The following ZFX variants were observed in gnomAD, a reference collection of about 807,000 sequenced individuals.
The protein encoded by ZFX is zinc finger X-chromosomal protein.
For synonymous variants in ZFX, 196 were observed against 226.8 expected, an observed-to-expected ratio of 0.86 and a Z score of 1.22; for missense variants, 362 against 628.3, an observed-to-expected ratio of 0.58 and a Z score of 4.53.
intron 3 of ZFX, among the ~76,000 whole-genome samples, chrX:24,162,477 A>G (rs1278764073): frequency 8.9e-6 from 1 of 112,064 alleles, no homozygotes; most frequent in African/African-American, 3.2e-5. Context: ...CATCTTACCT[A>G]ATTACACTGG....
Position 24,211,797 on chromosome X carries a change from T to C in ZFX, c.*421T>C. 8.1e-6 allele frequency: 1 copy of C among 122,720 alleles called. No homozygotes were observed. The highest frequency in any genetic ancestry group is 2.6e-4 in the East Asian group (1 of 3,895). 10.1% of individuals were successfully genotyped at this position (122,720 alleles called of 1,213,427 possible). On this transcript the variant is annotated 3_prime_UTR_variant, in exon 10 of 10. Transcript: ENST00000304543. ...TCCCCATACATTTCTCACAATAAAA[T>C]TGTCAGAGACATCTACTAATATAAA...
intron 5 of ZFX, among the ~76,000 whole-genome samples, chrX:24,199,942 C>T (rs1016142875): frequency 9.2e-6 from 1 of 109,276 alleles, no homozygotes; most frequent in Non-Finnish European, 1.9e-5. Context: ...AGTTTTTGCT[C>T]GTTTTAAGCA....
At chrX:24,199,742 A>G (rs1937164082) in intron 5 of ZFX, among the ~76,000 whole-genome samples, 1 of 109,492 alleles carries the variant, frequency 9.1e-6, no homozygotes, top group African/African-American at 3.3e-5. Context: ...ACATGGTGAA[A>G]CCCCATCTCT....
chrX:24,207,068 C>A (rs1193918657), intron 5 of ZFX: 1 of 264,850 alleles, frequency 3.8e-6, no homozygotes, highest in Non-Finnish European at 6.7e-6. Context: ...CCTGTCTCTA[C>A]TAAAAATACA....
At chrX:24,167,296 C>T (rs1225455583) in intron 3 of ZFX, among the ~76,000 whole-genome samples, 1 of 111,521 alleles carries the variant, frequency 9.0e-6, no homozygotes, top group Non-Finnish European at 1.9e-5. Flanking sequence ...CTAGATAGGA[C>T]TTCTGTGATC....
At chrX:24,165,341 G>C (rs755023557) in intron 3 of ZFX, among the ~76,000 whole-genome samples, 1 of 112,133 alleles carries the variant, frequency 8.9e-6, no homozygotes, top group East Asian at 2.8e-4. Flanking sequence ...GGATGTTCTC[G>C]ATCTCCTGAC....
Position 24,179,526 on chromosome X carries a change from G to C in ZFX, c.402G>C (p.Leu134Phe). Residue 134 changes from leucine (L) to phenylalanine (F), a missense_variant, in exon 5 of 10, where the codon TTG becomes TTC. Physicochemically the swap from Leu to Phe is conservative, Grantham distance 22 (BLOSUM62 0). Coordinates refer to ENST00000304543, the MANE Select transcript of ZFX (RefSeq NM_003410.4). ...SASMSMPEHVLTGDSIHVSDV... is the reference protein window; with the variant it reads ...SASMSMPEHVFTGDSIHVSDV... ...CAATGTCTATGCCAGAACACGTCTT[G>C]ACGGGTGATTCTATACATGTGTCTG... is the stretch of plus-strand genomic sequence containing the variant. The C allele has an allele frequency of 4.1e-6, 5 of 1,212,275 alleles. No homozygotes were observed. Among genetic ancestry groups the C allele is most frequent in the Non-Finnish European group, 5.6e-6 (5 of 895,687 alleles).
chrX:24,202,285 G>A (rs1937349253), intron 5 of ZFX, among the ~76,000 whole-genome samples: 1 of 111,867 alleles, frequency 8.9e-6, no homozygotes, highest in African/African-American at 3.3e-5. Context: ...GACTGAGCAT[G>A]CTTGAGTATT....
intron 5 of ZFX, among the ~76,000 whole-genome samples, chrX:24,205,976 C>G (rs1937560027): frequency 9.1e-6 from 1 of 109,875 alleles, no homozygotes; most frequent in African/African-American, 3.3e-5. Context: ...CTTTTTCTCC[C>G]CTTCTGTCTC....
At chrX:24,152,346 T>G (rs1490803369) in intron 2 of ZFX, among the ~76,000 whole-genome samples, 2 of 110,821 alleles carry the variant, frequency 1.8e-5, no homozygotes, top group Non-Finnish European at 3.8e-5. Flanking sequence ...TTGGCCAGGC[T>G]GGTCTCGAAC....
In ZFX at chrX:24,177,207, C is replaced by T. The variant is rs900672869; in HGVS notation, c.59-1976C>T. 2.7e-5 allele frequency among the ~76,000 whole-genome samples: 3 copies of T among 112,317 alleles called. No homozygotes were observed. In the South Asian group the frequency reaches 1.1e-3, roughly 41 times the overall value. On this transcript the variant is annotated intron_variant, in intron 4 of 9. Coordinates refer to ENST00000304543, the MANE Select transcript of ZFX (RefSeq NM_003410.4). The stretch of plus-strand genomic sequence containing the variant: ...TCGGCCTCCCAAAGTGCTGGGATTA[C>T]AGGCGTGAGCCACTGTGCCCAGCCT...
rs745338900 is a variant in ZFX at position 24,207,353 on chromosome X, A to G, written c.674A>G (p.Asp225Gly). 4 of 1,209,136 alleles carry G rather than the reference A, an allele frequency of 3.3e-6. No homozygotes were observed. Among genetic ancestry groups the G allele is most frequent in the Non-Finnish European group, 1.1e-6 (1 of 894,861 alleles). ...GATGATGCTGGCAAAATAGAACACG[A>G]TGGTTCTTCTGGAATGACCATGGAC... is the stretch of plus-strand genomic sequence containing the variant. The part of the protein sequence containing the change: ...SLDDAGKIEH[D>G]GSSGMTMDTE... Residue 225 changes from aspartate to glycine, a missense_variant, in exon 6 of 10, where the codon GAT becomes GGT. Asp to Gly is a moderately conservative substitution (Grantham distance 94). Transcript: ENST00000304543.
chrX:24,184,292 A>G (rs1228964692), intron 5 of ZFX, among the ~76,000 whole-genome samples: 1 of 111,551 alleles, frequency 9.0e-6, no homozygotes, highest in Non-Finnish European at 1.9e-5. Flanking sequence ...TGTGAGGGGA[A>G]GAGGGCCTGG....
intron 5 of ZFX, among the ~76,000 whole-genome samples, chrX:24,187,352 T>C (rs188070451): frequency 2.3e-3 from 260 of 111,988 alleles, no homozygotes; most frequent in Non-Finnish European, 4.0e-3. Context: ...TATGTTTGTA[T>C]GTATGTGTGT....
At chrX:24,200,421 T>C (rs1034454004) in intron 5 of ZFX, among the ~76,000 whole-genome samples, 2 of 111,765 alleles carry the variant, frequency 1.8e-5, no homozygotes, top group Non-Finnish European at 3.8e-5. Flanking sequence ...GTAAAGTGTC[T>C]GATTGTGCCA....
chrX:24,152,218 C>T (rs922992878), intron 2 of ZFX, among the ~76,000 whole-genome samples: 2 of 109,392 alleles, frequency 1.8e-5, no homozygotes, highest in African/African-American at 6.7e-5. Flanking sequence ...TCATTGCAAC[C>T]TCTGCCTCCC....
chrX:24,180,538 C>T lies in ZFX; in HGVS notation c.646+768C>T, dbSNP rs751318814. On this transcript the variant is annotated intron_variant, in intron 5 of 9. Transcript: ENST00000304543. Reference sequence around the variant, plus strand: ...CTGGGATTGTAGGCACGCACCACCACGCCTGGCTAATTTTTTGTATTTTTA... The same window carrying T: ...CTGGGATTGTAGGCACGCACCACCATGCCTGGCTAATTTTTTGTATTTTTA... Among the ~76,000 whole-genome samples, 10 of 110,330 alleles carry T rather than the reference C, an allele frequency of 9.1e-5. No homozygotes were observed. In the South Asian group the frequency reaches 1.6e-3, roughly 17 times the overall value.
Position 24,215,860 on chromosome X carries a change from G to C in ZFX, c.*4484G>C, listed in dbSNP as rs1938435486. On this transcript the variant is annotated 3_prime_UTR_variant, in exon 10 of 10. Transcript: ENST00000304543. ...TGAAAAAGATTGTGTGTGTGTGTGTGTGTGTTTAATTGGCCCAGGGTTACT... is the reference window on the plus strand; with the variant it reads ...TGAAAAAGATTGTGTGTGTGTGTGTCTGTGTTTAATTGGCCCAGGGTTACT... 9.0e-6 allele frequency: 1 copy of C among 110,553 alleles called. No homozygotes were observed. Among genetic ancestry groups the C allele is most frequent in the Non-Finnish European group, 1.9e-5 (1 of 52,921 alleles). 9.1% of individuals were successfully genotyped at this position (110,553 alleles called of 1,213,427 possible).
At chrX:24,156,285 T>A (rs1453177571) in intron 3 of ZFX, among the ~76,000 whole-genome samples, 1 of 112,175 alleles carries the variant, frequency 8.9e-6, no homozygotes, top group East Asian at 2.8e-4. Context: ...CTTTTAGCTC[T>A]GTTTGTGGAA....
Sources: allele counts gnomAD v4.1 joint callset (sites outside exome capture counted in the v4.1 genomes callset), GRCh38; gene constraint gnomAD v4.1.1; transcripts MANE v1.5; gene names NCBI Gene and HGNC (gene_info 2026-07-23, HGNC 2026-07-21).